PLPP1: variants seen among roughly 807,000 people sequenced by gnomAD.
PLPP1 encodes the protein lipid phosphate phosphohydrolase 1a.
Under a neutral mutation model 31.2 loss-of-function variants are expected in PLPP1, and 24 were observed. The observed-to-expected ratio is 0.77, with a 90% CI of 0.56 to 1.08. The LOEUF (loss-of-function observed/expected upper bound fraction) is 1.08. Among genes scored for constraint, PLPP1 ranks in the 50% least tolerant of loss-of-function variants. PLPP1 has a pLI of 0.00. For missense variants in PLPP1, 319 were observed against 342.7 expected (o/e 0.93, Z 0.55); for synonymous variants, 146 against 126.3 (o/e 1.16, Z -1.05).
chr5:55,510,124 C>CT (rs1363590901), intron 1 of PLPP1, among the ~76,000 whole-genome samples: 1 of 151,638 alleles, frequency 6.6e-6, no homozygotes, highest in Non-Finnish European at 1.5e-5. Flanking sequence ...AAAAAACATT[C>CT]TGTTTACATG....
At chr5:55,474,001 T>TTGTTTTG (rs1311437007) in intron 2 of PLPP1, among the ~76,000 whole-genome samples, 1 of 138,442 alleles carries the variant, frequency 7.2e-6, no homozygotes, top group African/African-American at 2.6e-5. Flanking sequence ...TTTGTTGTTT[T>TTGTTTTG]TTTTTTTTTT....
At chr5:55,530,311 G>C in intron 1 of PLPP1, 1 of 1,482,128 alleles carries the variant, frequency 6.7e-7, no homozygotes. Context: ...CCCCAAGGAA[G>C]AGATACACAA....
At chr5:55,482,773 G>A (rs765975806) in intron 1 of PLPP1, among the ~76,000 whole-genome samples, 4 of 152,090 alleles carry the variant, frequency 2.6e-5, no homozygotes, top group Non-Finnish European at 5.9e-5. Flanking sequence ...TACTTATATA[G>A]TACTTTACAC....
intron 1 of PLPP1, among the ~76,000 whole-genome samples, chr5:55,501,621 C>T (rs1753147763): frequency 6.6e-6 from 1 of 152,164 alleles, no homozygotes; most frequent in South Asian, 2.1e-4. Context: ...TCTCCTGCCT[C>T]AGCCTCCTGA....
intron 1 of PLPP1, among the ~76,000 whole-genome samples, chr5:55,482,225 C>T (rs7734184): frequency 0.73 from 109,233 of 149,562 alleles, 40,288 homozygotes; most frequent in Non-Finnish European, 0.78. Flanking sequence ...CACACACACA[C>T]ATCTCCAGTC....
chr5:55,496,748 T>G (rs1463382007), intron 1 of PLPP1, among the ~76,000 whole-genome samples: 1 of 152,198 alleles, frequency 6.6e-6, no homozygotes, highest in Admixed American at 6.5e-5. Flanking sequence ...TATGATATGT[T>G]GAGGAAAACA....
intron 3 of PLPP1, among the ~76,000 whole-genome samples, chr5:55,467,411 T>G (rs1388433318): frequency 4.0e-5 from 6 of 151,874 alleles, no homozygotes; most frequent in Non-Finnish European, 5.9e-5. Flanking sequence ...ATTGGCTGGG[T>G]GTGGTGGCTC....
chr5:55,426,138 A>T (rs942635840), intron 4 of PLPP1, 99 bp from the exon 5 acceptor site: 1 of 1,067,108 alleles, frequency 9.4e-7, no homozygotes, highest in African/African-American at 1.6e-5. Flanking sequence ...TCAAAGTATT[A>T]TTATATAGGG....
intron 2 of PLPP1, among the ~76,000 whole-genome samples, chr5:55,473,187 G>A (rs1417964616): frequency 1.3e-5 from 2 of 152,102 alleles, no homozygotes; most frequent in Non-Finnish European, 2.9e-5. Flanking sequence ...TTATAGACTT[G>A]GCTTTCTTCT....
chr5:55,475,050 C>T (rs1752505721), intron 2 of PLPP1, among the ~76,000 whole-genome samples: 1 of 152,118 alleles, frequency 6.6e-6, no homozygotes, highest in South Asian at 2.1e-4. Context: ...AAGCGATCCT[C>T]TAGCCTCAGC....
At chr5:55,510,131 C>A (rs1753373850) in intron 1 of PLPP1, among the ~76,000 whole-genome samples, 1 of 152,110 alleles carries the variant, frequency 6.6e-6, no homozygotes, top group Non-Finnish European at 1.5e-5. Context: ...ATTCTGTTTA[C>A]ATGGAACTAG....
intron 1 of PLPP1, among the ~76,000 whole-genome samples, chr5:55,515,865 G>A (rs972006620): frequency 1.3e-5 from 2 of 151,784 alleles, no homozygotes; most frequent in Non-Finnish European, 2.9e-5. Context: ...CAATTACCAC[G>A]AATATGCCAA....
At chr5:55,501,027 A>G (rs1753131330) in intron 1 of PLPP1, among the ~76,000 whole-genome samples, 1 of 152,210 alleles carries the variant, frequency 6.6e-6, no homozygotes, top group South Asian at 2.1e-4. Flanking sequence ...GTTAAAACAC[A>G]AAGCAGGCCA....
At chr5:55,491,030 T>C (rs1455736955) in intron 1 of PLPP1, 5 of 1,613,634 alleles carry the variant, frequency 3.1e-6, no homozygotes, top group East Asian at 2.2e-5. Context: ...ATGGTACGGA[T>C]AGTTGATGCT....
intron 2 of PLPP1, among the ~76,000 whole-genome samples, chr5:55,473,835 G>A (rs1445363648): frequency 6.6e-6 from 1 of 150,884 alleles, no homozygotes; most frequent in Non-Finnish European, 1.5e-5. Context: ...TTTTTTTTGC[G>A]AGGAGGGGGA....
intron 1 of PLPP1, among the ~76,000 whole-genome samples, chr5:55,505,698 G>A (rs1237345861): frequency 2.6e-5 from 4 of 152,126 alleles, no homozygotes; most frequent in African/African-American, 4.8e-5. Flanking sequence ...ACCACAAGTC[G>A]AAACTTAAAG....
intron 1 of PLPP1, among the ~76,000 whole-genome samples, chr5:55,479,985 A>G (rs1034097093): frequency 6.6e-6 from 1 of 152,190 alleles, no homozygotes; most frequent in South Asian, 2.1e-4. Flanking sequence ...TCCTTGATAA[A>G]CTATTCCAAA....
intron 1 of PLPP1, among the ~76,000 whole-genome samples, chr5:55,484,097 T>A (rs1171931816): frequency 6.6e-6 from 1 of 152,150 alleles, no homozygotes; most frequent in East Asian, 1.9e-4. Context: ...AGCCTGTCCT[T>A]GCATGGTGTG....
chr5:55,482,375 C>A (rs1752690106), intron 1 of PLPP1, among the ~76,000 whole-genome samples: 1 of 151,852 alleles, frequency 6.6e-6, no homozygotes. Flanking sequence ...TGGTAGTAGT[C>A]ATTATCAAAC....
Sources: gnomAD v4.1 joint callset for allele counts (sites outside exome capture counted in the v4.1 genomes callset) on GRCh38, gnomAD v4.1.1 for gene constraint, MANE v1.5 for transcripts, NCBI Gene and HGNC (gene_info 2026-07-23, HGNC 2026-07-21) for gene names.